RGL1: variants seen among roughly 807,000 people sequenced by gnomAD.
RGL1 encodes ral guanine nucleotide dissociation stimulator-like 1.
RGL1 carries 24 observed loss-of-function variants against 95.2 expected under a neutral mutation model. The observed-to-expected ratio is 0.25, with a 90% CI of 0.18 to 0.35. RGL1 has a LOEUF of 0.35. Ranked by LOEUF, RGL1 falls within the 10% of genes least tolerant of loss-of-function variation. The probability of loss-of-function intolerance (pLI) is 1.00; values close to 1 mark genes in which losing one functional copy is unlikely to be tolerated. For missense variants in RGL1, 715 were observed against 936.3 expected (o/e 0.76, Z 3.08); for synonymous variants, 329 against 344.9 (o/e 0.95, Z 0.51).
At chr1:183,799,657 C>T (rs572068034) in intron 2 of RGL1, among the ~76,000 whole-genome samples, 3 of 152,210 alleles carry the variant, frequency 2.0e-5, no homozygotes, top group South Asian at 4.1e-4. Context: ...CAGGTTGGTT[C>T]GTTTGCTGTT....
intron 3 of RGL1, among the ~76,000 whole-genome samples, chr1:183,849,182 G>A (rs926691134): frequency 6.6e-6 from 1 of 152,050 alleles, no homozygotes; most frequent in African/African-American, 2.4e-5. Context: ...CTCAAACTCC[G>A]GGGCTCAAGA....
intron 2 of RGL1, among the ~76,000 whole-genome samples, chr1:183,764,388 G>C (rs1358289700): frequency 1.3e-5 from 2 of 152,100 alleles, no homozygotes; most frequent in African/African-American, 4.8e-5. Flanking sequence ...TGGTCAGTGG[G>C]CAGTTATTAT....
In RGL1 at chr1:183,842,834, T is replaced by C. The variant is rs1222669579; in HGVS notation, c.139-4732T>C. Among the ~76,000 whole-genome samples, 3 of 152,200 alleles carry C rather than the reference T, an allele frequency of 2.0e-5. No individual in the cohort carries two copies. In the East Asian group the frequency reaches 5.8e-4, roughly 29 times the overall value. On this transcript the variant is annotated intron_variant, in intron 2 of 17. Transcript: ENST00000360851. ...ATAATTCAAAGTTACTAAGATAATA[T>C]AAGCAAAAACAGGTCCTAAAGTCTC...
chr1:183,880,607 C>T lies in RGL1; in HGVS notation c.426-9C>T, dbSNP rs1666769203. On this transcript the variant is annotated splice_polypyrimidine_tract_variant and intron_variant, in intron 4 of 17. Transcript: ENST00000360851. ...TTGGGTGCAGTGACTCTCCATTTGT[C>T]TTTCTCAGTGCAATCGCTTCCATAC... 3 of 1,612,796 alleles carry T rather than the reference C, an allele frequency of 1.9e-6. No homozygotes were observed. In the African/African-American group the frequency reaches 4.0e-5, roughly 22 times the overall value.
At chr1:183,798,753 T>A (rs1335822057) in intron 2 of RGL1, among the ~76,000 whole-genome samples, 4 of 152,084 alleles carry the variant, frequency 2.6e-5, no homozygotes, top group Non-Finnish European at 4.4e-5. Context: ...CTACTCTGCT[T>A]CTATGAGTTC....
chr1:183,918,542 C>T (rs1011341328), intron 16 of RGL1, among the ~76,000 whole-genome samples: 8 of 152,224 alleles, frequency 5.3e-5, no homozygotes, highest in Non-Finnish European at 7.3e-5. Context: ...GCCTGGTCAG[C>T]GTGCACTCTG....
At chr1:183,772,053 G>T (rs753994309) in intron 2 of RGL1, among the ~76,000 whole-genome samples, 62 of 152,216 alleles carry the variant, frequency 4.1e-4, no homozygotes, top group Non-Finnish European at 8.4e-4. Context: ...CTGCCCAGCG[G>T]CCCAACTCCA....
At chr1:183,778,826 C>T (rs1659729831) in intron 2 of RGL1, among the ~76,000 whole-genome samples, 1 of 152,184 alleles carries the variant, frequency 6.6e-6, no homozygotes, top group Non-Finnish European at 1.5e-5. Flanking sequence ...AAAGAGGGCT[C>T]ATCCTTTAGG....
At position 183,888,372 on chromosome 1, in the gene RGL1, A is replaced by G. The variant is rs367973086; in HGVS notation, c.952-102A>G. 2.1e-5 allele frequency: 15 copies of G among 711,466 alleles called. No homozygotes were observed. In the East Asian group the frequency reaches 3.0e-4, roughly 14 times the overall value. 44.1% of individuals were successfully genotyped at this position (711,466 alleles called of 1,614,324 possible). A position where few individuals can be genotyped will look rare whatever the true frequency, so the allele number is the denominator to read the frequency against. ...TTTATACAGCTGCCTATTTTGTGGT[A>G]AGAATTCATAGCAGCTGTGATACCT... On this transcript the variant is annotated intron_variant, in intron 7 of 17. Transcript: ENST00000360851.
chr1:183,887,157 CCCCT>C (rs927868180), intron 7 of RGL1, among the ~76,000 whole-genome samples: 2 of 6,760 alleles, frequency 3.0e-4, no homozygotes, highest in Non-Finnish European at 3.6e-4. Flanking sequence ...TCTCTCTCTT[CCCCT>C]CCCTCCCTCC....
rs528636825 is a variant in RGL1 at position 183,877,886 on chromosome 1, T to C, written c.426-2730T>C. Among the ~76,000 whole-genome samples the C allele has an allele frequency of 3.9e-5, 6 of 152,332 alleles. No homozygotes were observed. The South Asian group carries it at 1.2e-3, about 32-fold the overall frequency. On this transcript the variant is annotated intron_variant, in intron 4 of 17. Transcript: ENST00000360851. ...CGAAGGCTCCTCTTTAGAACTCTCC[T>C]AGTTCTTCTGAGGCTGCAGCTCTCC...
chr1:183,641,013 T>C (rs1323910240), intron 1 of RGL1, among the ~76,000 whole-genome samples: 1 of 152,362 alleles, frequency 6.6e-6, no homozygotes, highest in South Asian at 2.1e-4. Context: ...AGTGAATATA[T>C]ATATTTTTCT....
intron 2 of RGL1, among the ~76,000 whole-genome samples, chr1:183,814,994 G>A (rs1661985883): frequency 6.6e-6 from 1 of 152,200 alleles, no homozygotes. Flanking sequence ...ATACTTGGCT[G>A]AGCGCGGTGG....
chr1:183,806,500 C>G lies in RGL1; in HGVS notation c.138+15C>G. On this transcript the variant is annotated intron_variant, in intron 2 of 17. Transcript: ENST00000360851. ...GATGGCTAGGGGTGAGTAAAGCTGG[C>G]GAGATGGTGAACTTTGGAATTTCAG... The G allele has an allele frequency of 6.4e-7, 1 of 1,562,378 alleles. No individual in the cohort carries two copies. Among genetic ancestry groups the G allele is most frequent in the Non-Finnish European group, 8.8e-7 (1 of 1,134,042 alleles).
chr1:183,904,588 T>G (rs1668206559), intron 12 of RGL1, among the ~76,000 whole-genome samples: 1 of 152,194 alleles, frequency 6.6e-6, no homozygotes, highest in Non-Finnish European at 1.5e-5. Flanking sequence ...CTTTGGTAGC[T>G]TGTTTTATAC....
intron 1 of RGL1, among the ~76,000 whole-genome samples, chr1:183,692,025 A>T (rs1010637132): frequency 2.7e-5 from 4 of 150,872 alleles, no homozygotes; most frequent in African/African-American, 7.3e-5. Context: ...TTATGTATAT[A>T]TGAATATGAG....
At position 183,735,941 on chromosome 1, in the gene RGL1, C is replaced by G. The variant is rs145045228; in HGVS notation, c.-32-6185C>G. Among the ~76,000 whole-genome samples, 19 of 152,274 alleles carry G rather than the reference C, an allele frequency of 1.2e-4. No individual in the cohort carries two copies. The East Asian group carries it at 2.1e-3, about 17-fold the overall frequency. On this transcript the variant is annotated intron_variant, in intron 1 of 18. Coordinates refer to the RGL1 transcript ENST00000304685. ...GCTGTATCTTGAGACCTTCTTGGAT[C>G]CCACAATTTGTAGATATCACAATAG...
intron 1 of RGL1, among the ~76,000 whole-genome samples, chr1:183,726,474 A>G (rs1245110158): frequency 2.0e-5 from 3 of 152,154 alleles, no homozygotes; most frequent in Admixed American, 6.5e-5. Context: ...CTAAATGTCT[A>G]TAATTAAGGG....
At chr1:183,833,322 A>G (rs186584543) in intron 2 of RGL1, among the ~76,000 whole-genome samples, 236 of 152,306 alleles carry the variant, frequency 1.5e-3, no homozygotes, top group African/African-American at 5.6e-3. Context: ...TATCCCATCA[A>G]TAAACCCTAG....
Sources: gnomAD v4.1 joint callset for allele counts (sites outside exome capture counted in the v4.1 genomes callset) on GRCh38, gnomAD v4.1.1 for gene constraint, MANE v1.5 for transcripts, NCBI Gene and HGNC (gene_info 2026-07-23, HGNC 2026-07-21) for gene names.